The following SLC35F3 variants were observed in gnomAD, a reference collection of about 807,000 sequenced individuals.
SLC35F3 encodes the protein solute carrier family 35 member F3.
In SLC35F3, 25 loss-of-function variants were observed where a neutral mutation model predicts 49.9. That is an observed-to-expected ratio of 0.50 (90% CI 0.37 to 0.70). SLC35F3 has a LOEUF of 0.70. SLC35F3 is among the 30% of genes least tolerant of loss of function. SLC35F3 has a pLI of 0.00. For missense variants in SLC35F3, 525 were observed against 639.8 expected (o/e 0.82, Z 1.94); for synonymous variants, 275 against 265.4 (o/e 1.04, Z -0.35).
At chr1:234,216,785 T>G (rs1185832161) in intron 2 of SLC35F3, among the ~76,000 whole-genome samples, 2 of 152,188 alleles carry the variant, frequency 1.3e-5, no homozygotes, top group Non-Finnish European at 2.9e-5. Context: ...AACAACCTAC[T>G]TCAGCAGGCT....
chr1:234,272,003 G>T (rs1668115049), intron 3 of SLC35F3, among the ~76,000 whole-genome samples: 1 of 152,206 alleles, frequency 6.6e-6, no homozygotes. Context: ...GAGCATGCCT[G>T]TAGTGCCAGC....
chr1:233,958,638 G>C lies in SLC35F3; in HGVS notation c.283+52880G>C, dbSNP rs373359924. Among the ~76,000 whole-genome samples the C allele has an allele frequency of 2.0e-5, 3 of 152,308 alleles. No individual in the cohort carries two copies. In the East Asian group the frequency reaches 5.8e-4, roughly 29 times the overall value. ...GGGAGGATGTGTTGTGAGAGATAAT[G>C]CATGAGGAAGTATTTTTAAAATTAC... On this transcript the variant is annotated intron_variant, in intron 2 of 7. Transcript: ENST00000366618.
At chr1:234,029,421 G>A (rs988731984) in intron 2 of SLC35F3, among the ~76,000 whole-genome samples, 8 of 152,132 alleles carry the variant, frequency 5.3e-5, no homozygotes, top group African/African-American at 1.4e-4. Flanking sequence ...CAATGGTGAC[G>A]GGTCTTACAT....
chr1:234,171,894 A>G (rs899840247), intron 2 of SLC35F3, among the ~76,000 whole-genome samples: 2 of 152,178 alleles, frequency 1.3e-5, no homozygotes, highest in African/African-American at 4.8e-5. Flanking sequence ...GAACATCACT[A>G]TGAACCCCAT....
chr1:233,981,215 G>A (rs960165734), intron 2 of SLC35F3, among the ~76,000 whole-genome samples: 4 of 151,866 alleles, frequency 2.6e-5, no homozygotes, highest in African/African-American at 4.8e-5. Flanking sequence ...ATGTGTACGT[G>A]TGTGTGTGTG....
At chr1:234,229,024 C>A (rs1667328790) in intron 2 of SLC35F3, among the ~76,000 whole-genome samples, 1 of 152,062 alleles carries the variant, frequency 6.6e-6, no homozygotes, top group African/African-American at 2.4e-5. Context: ...GTTTGGTTGT[C>A]TATTATTCTT....
intron 2 of SLC35F3, among the ~76,000 whole-genome samples, chr1:233,939,447 C>T (rs975466508): frequency 1.2e-4 from 18 of 152,124 alleles, no homozygotes; most frequent in African/African-American, 3.9e-4. Flanking sequence ...AGAGCAATAT[C>T]CTGTCTCCGA....
intron 2 of SLC35F3, among the ~76,000 whole-genome samples, chr1:234,099,578 C>G (rs1409437319): frequency 6.7e-6 from 1 of 148,744 alleles, no homozygotes; most frequent in African/African-American, 2.5e-5. Flanking sequence ...CCACTGCACT[C>G]CAGCCTGGCA....
intron 2 of SLC35F3, among the ~76,000 whole-genome samples, chr1:234,107,785 C>T (rs576362475): frequency 6.6e-6 from 1 of 152,172 alleles, no homozygotes; most frequent in African/African-American, 2.4e-5. Flanking sequence ...TCGCAGAGGC[C>T]CTGGTACACA....
chr1:234,262,320 CCT>C (rs1286965575), intron 3 of SLC35F3, among the ~76,000 whole-genome samples: 5 of 152,304 alleles, frequency 3.3e-5, no homozygotes, highest in South Asian at 4.1e-4. Flanking sequence ...TTCTTGTGAG[CCT>C]CTGTTTTCTC....
chr1:233,967,167 C>A (rs996537364), intron 2 of SLC35F3, among the ~76,000 whole-genome samples: 5 of 152,134 alleles, frequency 3.3e-5, no homozygotes, highest in African/African-American at 9.7e-5. Flanking sequence ...CATTGTTAAT[C>A]TGAAATTCAC....
At chr1:234,178,822 ATGT>A (rs1397365417) in intron 2 of SLC35F3, among the ~76,000 whole-genome samples, 4 of 152,156 alleles carry the variant, frequency 2.6e-5, no homozygotes, top group Non-Finnish European at 5.9e-5. Context: ...TTCAGTCTTG[ATGT>A]TGTACATTCT....
At chr1:234,141,054 C>T (rs1354995640) in intron 2 of SLC35F3, among the ~76,000 whole-genome samples, 1 of 152,130 alleles carries the variant, frequency 6.6e-6, no homozygotes, top group Non-Finnish European at 1.5e-5. Context: ...ATGGAGCGAC[C>T]ATGTAGTGGA....
chr1:234,126,781 G>A (rs1363062269), intron 2 of SLC35F3, among the ~76,000 whole-genome samples: 7 of 152,094 alleles, frequency 4.6e-5, no homozygotes, highest in African/African-American at 1.7e-4. Flanking sequence ...CTGCAGCCTT[G>A]AACTCCTGGG....
intron 3 of SLC35F3, among the ~76,000 whole-genome samples, chr1:234,266,882 T>TG (rs1352092997): frequency 1.1e-4 from 16 of 147,030 alleles, no homozygotes; most frequent in East Asian, 5.9e-4. Context: ...GGTTTTTTTT[T>TG]TTTTTTTTTT....
chr1:234,059,271 A>G (rs1664502493), intron 2 of SLC35F3, among the ~76,000 whole-genome samples: 2 of 150,880 alleles, frequency 1.3e-5, no homozygotes. Flanking sequence ...CTGATTTGAT[A>G]TGTGTCTTCT....
intron 2 of SLC35F3, among the ~76,000 whole-genome samples, chr1:233,915,493 G>A (rs558873685): frequency 1.6e-4 from 24 of 152,236 alleles, no homozygotes; most frequent in Middle Eastern, 3.4e-3. Flanking sequence ...CTGCAGTGAC[G>A]TATGTATGAT....
intron 2 of SLC35F3, among the ~76,000 whole-genome samples, chr1:234,055,805 TAG>T (rs942621296): frequency 6.6e-6 from 1 of 152,236 alleles, no homozygotes; most frequent in Non-Finnish European, 1.5e-5. Flanking sequence ...TTGTTTTTGA[TAG>T]AGATTTTACT....
chr1:234,041,063 T>G (rs1191713665), intron 2 of SLC35F3, among the ~76,000 whole-genome samples: 2 of 152,228 alleles, frequency 1.3e-5, no homozygotes, highest in Non-Finnish European at 2.9e-5. Context: ...TTTAACTTTC[T>G]TCTTAGCAGC....
Sources: allele counts gnomAD v4.1 joint callset (sites outside exome capture counted in the v4.1 genomes callset), GRCh38; gene constraint gnomAD v4.1.1; transcripts MANE v1.5; gene names NCBI Gene and HGNC (gene_info 2026-07-23, HGNC 2026-07-21).